GALNT18: variants seen among roughly 807,000 people sequenced by gnomAD.
GALNT18 encodes GalNAc-transferase 18.
In GALNT18, 44 loss-of-function variants were observed where a neutral mutation model predicts 69.5. That is an observed-to-expected ratio of 0.63 (90% confidence interval 0.50 to 0.81). The LOEUF (loss-of-function observed/expected upper bound fraction) is 0.81. Ranked by LOEUF, GALNT18 falls within the 40% of genes least tolerant of loss-of-function variation. The pLI, the probability that GALNT18 is intolerant of heterozygous loss-of-function variation, is 0.00. For missense variants in GALNT18, 715 were observed against 810.0 expected (o/e 0.88, Z 1.42); for synonymous variants, 364 against 318.2 (o/e 1.14, Z -1.53).
intron 1 of GALNT18, among the ~76,000 whole-genome samples, chr11:11,521,142 G>C (rs1467583535): frequency 1.3e-5 from 2 of 151,640 alleles, no homozygotes; most frequent in Admixed American, 6.6e-5. Context: ...TTCCACCCAA[G>C]GCCCACCACC....
intron 1 of GALNT18, among the ~76,000 whole-genome samples, chr11:11,498,334 A>G (rs1311937538): frequency 3.3e-5 from 5 of 152,230 alleles, no homozygotes; most frequent in Admixed American, 6.5e-5. Flanking sequence ...GACTGGGAAG[A>G]AACCCAGCTC....
At chr11:11,509,774 C>G (rs1164937678) in intron 1 of GALNT18, among the ~76,000 whole-genome samples, 1 of 152,238 alleles carries the variant, frequency 6.6e-6, no homozygotes, top group African/African-American at 2.4e-5. Flanking sequence ...GCTGGCATAT[C>G]TGAATTCAAG....
At chr11:11,475,748 T>G (rs994195376) in intron 1 of GALNT18, 1 of 152,162 alleles carries the variant, frequency 6.6e-6, no homozygotes, top group African/African-American at 2.4e-5. Flanking sequence ...GAGATGCCCC[T>G]AGAATCCCCC....
chr11:11,448,687 G>A, intron 2 of GALNT18, 57 bp downstream of exon 2: 1 of 1,464,726 alleles, frequency 6.8e-7, no homozygotes, highest in South Asian at 1.3e-5. Context: ...CAGCACTCTG[G>A]GGACCCCATC....
At chr11:11,367,558 G>A (rs1850799918) in intron 6 of GALNT18, among the ~76,000 whole-genome samples, 1 of 152,092 alleles carries the variant, frequency 6.6e-6, no homozygotes, top group African/African-American at 2.4e-5. Context: ...AGAGGAGAGG[G>A]GTCTTTTCTC....
Position 11,454,757 on chromosome 11 carries a change from T to C in GALNT18, c.236-5821A>G, listed in dbSNP as rs569431120. On this transcript the variant is annotated intron_variant, in intron 1 of 10. Transcript: ENST00000227756. This position sits in a 1 kb window ranked among gnomAD's most constrained non-coding sequence, Gnocchi z 4.2. ...CTTCCTTGAAACCCAGCCTGCGGTG[T>C]CCTCAAAGCTCTGGCAGACACGTTG... Among the ~76,000 whole-genome samples, 2 of 151,864 alleles carry C rather than the reference T, an allele frequency of 1.3e-5. No individual in the cohort carries two copies. Among genetic ancestry groups the C allele is most frequent in the Non-Finnish European group, 2.9e-5 (2 of 67,976 alleles).
In GALNT18 at chr11:11,587,115, C is replaced by T. The variant is rs1165558633; in HGVS notation, c.235+34244G>A. On this transcript the variant is annotated intron_variant, in intron 1 of 10. Coordinates refer to ENST00000227756, the MANE Select transcript of GALNT18 (RefSeq NM_198516.3). This position sits in a 1 kb window ranked among gnomAD's most constrained non-coding sequence, Gnocchi z 4.4. ...CTGACCCCTCCCCCAGTATCCAAAC[C>T]TTCCCCAAGAGCCAGCCACAAAACA... Among the ~76,000 whole-genome samples, 53 of 152,184 alleles carry T rather than the reference C, an allele frequency of 3.5e-4. 1 individual carries two copies. The highest frequency in any genetic ancestry group is 3.5e-3 in the Admixed American group (53 of 15,284).
chr11:11,368,465 C>T (rs563561393), intron 6 of GALNT18, among the ~76,000 whole-genome samples: 2 of 152,292 alleles, frequency 1.3e-5, no homozygotes, highest in South Asian at 4.1e-4. Context: ...GGATCATCTC[C>T]ATTTGGAATT....
At position 11,413,881 on chromosome 11, in the gene GALNT18, A is replaced by G. The variant is rs1378544885; in HGVS notation, c.595+18740T>C. Among the ~76,000 whole-genome samples the G allele has an allele frequency of 6.6e-6, 1 of 152,136 alleles. No individual in the cohort carries two copies. Among genetic ancestry groups the G allele is most frequent in the Non-Finnish European group, 1.5e-5 (1 of 68,022 alleles). On this transcript the variant is annotated intron_variant, in intron 3 of 10. Transcript: ENST00000227756. The surrounding 1 kb of genome is among the most constrained non-coding windows in gnomAD (Gnocchi z 4.7). ...CCATCTATCCAAATGCCCCCTAAAG[A>G]TCGTCCCTCAGCTGTTTCACAGGCA...
At chr11:11,353,567 T>C (rs1329440969) in intron 6 of GALNT18, among the ~76,000 whole-genome samples, 1 of 152,216 alleles carries the variant, frequency 6.6e-6, no homozygotes, top group African/African-American at 2.4e-5. Context: ...AAGTATTTCT[T>C]TTTTTATGTC....
chr11:11,293,659 C>T (rs907998909), intron 9 of GALNT18, among the ~76,000 whole-genome samples: 2 of 150,958 alleles, frequency 1.3e-5, no homozygotes, highest in East Asian at 2.0e-4. Context: ...CTCCTGCCTC[C>T]GTCTCCTGAG....
chr11:11,319,156 T>C (rs2099296631), intron 9 of GALNT18, among the ~76,000 whole-genome samples: 1 of 152,158 alleles, frequency 6.6e-6, no homozygotes, highest in African/African-American at 2.4e-5. Flanking sequence ...AGTACTTGCT[T>C]AACCGTCTTA....
chr11:11,385,784 A>G (rs58534590), intron 3 of GALNT18, among the ~76,000 whole-genome samples: 29,165 of 152,120 alleles, frequency 0.19, 3,127 homozygotes, highest in East Asian at 0.35. Flanking sequence ...ATATGCTGAA[A>G]TCTGAAACCC....
chr11:11,271,984 G>C (rs1051899110), intron 10 of GALNT18, among the ~76,000 whole-genome samples: 2 of 152,148 alleles, frequency 1.3e-5, no homozygotes, highest in African/African-American at 4.8e-5. Flanking sequence ...TTGGGTTGCT[G>C]GCTGTGAGTC....
In GALNT18 at chr11:11,356,127, G is replaced by T. The variant is rs1850524820; in HGVS notation, c.1093-15123C>A. Among the ~76,000 whole-genome samples, 1 of 152,178 alleles carries T rather than the reference G, an allele frequency of 6.6e-6. No homozygotes were observed. The highest frequency in any genetic ancestry group is 1.5e-5 in the Non-Finnish European group (1 of 68,036). On this transcript the variant is annotated intron_variant, in intron 6 of 10. Transcript: ENST00000227756. The surrounding 1 kb of genome is among the most constrained non-coding windows in gnomAD (Gnocchi z 4.4). The stretch of plus-strand genomic sequence containing the variant: ...CCTGCCCTTTGCATTGCTTTACAAA[G>T]CCAAGAACATTTGTATTTGGAGATG...
In GALNT18 at chr11:11,500,571, G is replaced by A. The variant is rs888180391; in HGVS notation, c.236-51635C>T. Among the ~76,000 whole-genome samples, 2 of 152,170 alleles carry A rather than the reference G, an allele frequency of 1.3e-5. No individual in the cohort carries two copies. Among genetic ancestry groups the A allele is most frequent in the African/African-American group, 4.8e-5 (2 of 41,432 alleles). ...TAGAAGGCAGCAGGGATGCTGGCAA[G>A]CACCGGTCATCATCCTGCAGGATAC... On this transcript the variant is annotated intron_variant, in intron 1 of 10. Coordinates refer to ENST00000227756, the MANE Select transcript of GALNT18 (RefSeq NM_198516.3). This position sits in a 1 kb window ranked among gnomAD's most constrained non-coding sequence, Gnocchi z 5.0.
At chr11:11,479,565 T>C (rs1378310619) in intron 1 of GALNT18, among the ~76,000 whole-genome samples, 1 of 145,654 alleles carries the variant, frequency 6.9e-6, no homozygotes, top group Non-Finnish European at 1.5e-5. Flanking sequence ...AACTATTTTA[T>C]TTTATTATAG....
At chr11:11,504,225 C>G (rs1383598231) in intron 1 of GALNT18, among the ~76,000 whole-genome samples, 1 of 152,028 alleles carries the variant, frequency 6.6e-6, no homozygotes, top group Non-Finnish European at 1.5e-5. Context: ...CTCCATACAC[C>G]CCAGCAAAGG....
At chr11:11,354,356 C>T (rs917584737) in intron 6 of GALNT18, among the ~76,000 whole-genome samples, 1 of 152,118 alleles carries the variant, frequency 6.6e-6, no homozygotes, top group Non-Finnish European at 1.5e-5. Flanking sequence ...GATATGGATC[C>T]AAGAGCCTGC....
Sources: allele counts gnomAD v4.1 joint callset (sites outside exome capture counted in the v4.1 genomes callset), GRCh38; gene constraint gnomAD v4.1.1; non-coding constraint Gnocchi (gnomAD v3.1); transcripts MANE v1.5; gene names NCBI Gene and HGNC (gene_info 2026-07-23, HGNC 2026-07-21).